UBAP1: variants seen among roughly 807,000 people sequenced by gnomAD.
UBAP1 encodes ubiquitin associated protein 1.
A neutral mutation model predicts 39.0 loss-of-function variants in UBAP1; 5 were observed. The observed-to-expected ratio is 0.13, with a 90% CI of 0.07 to 0.27. The LOEUF (loss-of-function observed/expected upper bound fraction) is 0.27. UBAP1 is among the 10% of genes least tolerant of loss of function. The pLI, the probability that UBAP1 is intolerant of heterozygous loss-of-function variation, is 1.00. For missense variants in UBAP1, 490 were observed against 608.1 expected (o/e 0.81, Z 2.04); for synonymous variants, 211 against 225.1 (o/e 0.94, Z 0.56).
chr9:34,231,125 T>TTGTGTG (rs1175055797), intron 2 of UBAP1, among the ~76,000 whole-genome samples: 12 of 96,692 alleles, frequency 1.2e-4, no homozygotes, highest in African/African-American at 4.3e-4. Flanking sequence ...TTTAAAAAAA[T>TTGTGTG]TATGTGTGTG....
chr9:34,184,204 A>AT (rs1197304279), intron 1 of UBAP1, among the ~76,000 whole-genome samples: 12 of 152,176 alleles, frequency 7.9e-5, no homozygotes, highest in Non-Finnish European at 1.5e-5. Flanking sequence ...TTTCCTATGA[A>AT]TCGAGAGTTA....
intron 1 of UBAP1, among the ~76,000 whole-genome samples, chr9:34,214,913 A>G (rs1245292190): frequency 6.6e-6 from 1 of 152,236 alleles, no homozygotes; most frequent in East Asian, 1.9e-4. Flanking sequence ...GTGCACATCA[A>G]AACCACAATG....
rs752071183 is a variant in UBAP1, at chr9:34,234,309, C to T, written c.128C>T (p.Pro43Leu). The change falls in exon 3 of 7, where the codon CCT becomes CTT. Residue 43 changes from proline (P) to leucine (L), a missense_variant. Pro to Leu is a moderately conservative substitution (Grantham distance 98). Coordinates refer to ENST00000297661, the MANE Select transcript of UBAP1 (RefSeq NM_016525.5). ...KVGLPIGFSL[P>L]DCLQVVREVQ... The stretch of plus-strand genomic sequence containing the variant: ...GGTCTACCTATTGGCTTCTCCTTGC[C>T]TGATTGTTTGCAGGTTGTCAGAGAA... 1.2e-6 allele frequency: 2 copies of T among 1,609,570 alleles called. No individual in the cohort carries two copies. Among genetic ancestry groups the T allele is most frequent in the Non-Finnish European group, 8.5e-7 (1 of 1,179,080 alleles).
chr9:34,224,144 G>GC lies in UBAP1; in HGVS notation c.34+3198dup, dbSNP rs1204218699. 5.5e-6 allele frequency: 4 copies of GC among 722,030 alleles called. No homozygotes were observed. In the East Asian group the frequency reaches 1.2e-4, roughly 22 times the overall value. The allele number at this position is 722,030 out of a possible 1,614,324, so 44.7% of individuals were successfully genotyped here. A position where few individuals can be genotyped will look rare whatever the true frequency, so the allele number is the denominator to read the frequency against. ...CTCCTCCAGGAGACTGCTGATTTTG[G>GC]CCTTTTTTTTTCCTTTCATCGATTT... On this transcript the variant is annotated intron_variant, in intron 2 of 6. Coordinates refer to ENST00000297661, the MANE Select transcript of UBAP1 (RefSeq NM_016525.5).
intron 2 of UBAP1, among the ~76,000 whole-genome samples, chr9:34,226,154 T>TGTGTGTGTGTGTGC (rs1833088196): frequency 5.6e-5 from 8 of 142,828 alleles, no homozygotes; most frequent in Admixed American, 7.1e-5. Context: ...TGTGTGTGTG[T>TGTGTGTGTGTGTGC]GTGGTGGGCT....
chr9:34,186,797 T>C (rs1486572128), intron 1 of UBAP1, among the ~76,000 whole-genome samples: 3 of 152,194 alleles, frequency 2.0e-5, no homozygotes, highest in Non-Finnish European at 2.9e-5. Context: ...TTTCCCAATT[T>C]GTGACTTGTC....
At chr9:34,239,453 A>G (rs1271039386) in intron 3 of UBAP1, among the ~76,000 whole-genome samples, 1 of 152,214 alleles carries the variant, frequency 6.6e-6, no homozygotes, top group Admixed American at 6.5e-5. Flanking sequence ...GAAAGTTCCT[A>G]TAACTGTCAT....
At chr9:34,206,491 C>CA (rs1831699963) in intron 1 of UBAP1, among the ~76,000 whole-genome samples, 1 of 151,534 alleles carries the variant, frequency 6.6e-6, no homozygotes, top group South Asian at 2.1e-4. Context: ...GCATGGGTGA[C>CA]AGAGTGAGAC....
chr9:34,184,587 C>T (rs566611590), intron 1 of UBAP1, among the ~76,000 whole-genome samples: 39 of 143,506 alleles, frequency 2.7e-4, no homozygotes, highest in African/African-American at 8.4e-4. Flanking sequence ...GCCAAGATCA[C>T]GCCACTGCAC....
At chr9:34,215,708 AAG>A (rs1563903033) in intron 1 of UBAP1, among the ~76,000 whole-genome samples, 1 of 152,018 alleles carries the variant, frequency 6.6e-6, no homozygotes, top group African/African-American at 2.4e-5. Flanking sequence ...GGGTTTAAAA[AAG>A]TATAGGAAGT....
intron 1 of UBAP1, among the ~76,000 whole-genome samples, chr9:34,193,842 A>G (rs1157199190): frequency 6.6e-6 from 1 of 152,128 alleles, no homozygotes; most frequent in Non-Finnish European, 1.5e-5. Flanking sequence ...AAGCTTCATG[A>G]TGTCAGGATG....
At chr9:34,213,748 A>G (rs529536395) in intron 1 of UBAP1, among the ~76,000 whole-genome samples, 34 of 152,288 alleles carry the variant, frequency 2.2e-4, no homozygotes, top group African/African-American at 3.1e-4. Context: ...TTTGCTGACA[A>G]TATGATCGTT....
At chr9:34,220,884 A>G (rs755627204) in intron 1 of UBAP1, 24 bp from the exon 2 acceptor site, 1 of 1,610,746 alleles carries the variant, frequency 6.2e-7, no homozygotes, top group Non-Finnish European at 8.5e-7. Flanking sequence ...TAATGTGCCT[A>G]AGAAATATTT....
At position 34,252,063 on chromosome 9, in the gene UBAP1, G is replaced by C. The variant is rs1834572074; in HGVS notation, c.*531G>C. On this transcript the variant is annotated 3_prime_UTR_variant, in exon 7 of 7. Transcript: ENST00000297661. ...TTAACACTGGTTCTGCAATATCTCT[G>C]AGGTGCAAAGAATGCACTTTTCCCT... is the stretch of plus-strand genomic sequence containing the variant. 1.3e-5 allele frequency: 2 copies of C among 152,840 alleles called. No individual in the cohort carries two copies. The highest frequency in any genetic ancestry group is 4.1e-4 in the South Asian group (2 of 4,840). The allele number at this position is 152,840 out of a possible 1,614,324, so 9.5% of individuals were successfully genotyped here.
At chr9:34,186,637 A>G (rs1830421642) in intron 1 of UBAP1, among the ~76,000 whole-genome samples, 1 of 151,026 alleles carries the variant, frequency 6.6e-6, no homozygotes, top group Non-Finnish European at 1.5e-5. Context: ...CTTTTCATGT[A>G]TTTTCGTTGG....
chr9:34,216,608 T>TGGGACTACAGGCATGC (rs1160848133), intron 1 of UBAP1, among the ~76,000 whole-genome samples: 4 of 150,192 alleles, frequency 2.7e-5, no homozygotes, highest in African/African-American at 9.8e-5. Context: ...CCTGATTAGC[T>TGGGACTACAGGCATGC]GGGACTACAG....
chr9:34,242,493 A>G (rs1471847372), intron 4 of UBAP1, among the ~76,000 whole-genome samples: 2 of 152,040 alleles, frequency 1.3e-5, no homozygotes, highest in South Asian at 2.1e-4. Context: ...AATCAATAGA[A>G]GTCAAGAACC....
At chr9:34,219,112 A>AG (rs1200028922) in intron 1 of UBAP1, among the ~76,000 whole-genome samples, 2 of 151,764 alleles carry the variant, frequency 1.3e-5, no homozygotes, top group Non-Finnish European at 2.9e-5. Flanking sequence ...TTTTGGTAAC[A>AG]GGATCTTGCT....
At chr9:34,203,176 G>A (rs1259154752) in intron 1 of UBAP1, among the ~76,000 whole-genome samples, 2 of 152,110 alleles carry the variant, frequency 1.3e-5, no homozygotes, top group Admixed American at 1.3e-4. Context: ...TAGGTGTGGT[G>A]GTACATTCCT....
Sources: gnomAD v4.1 joint callset for allele counts (sites outside exome capture counted in the v4.1 genomes callset) on GRCh38, gnomAD v4.1.1 for gene constraint, MANE v1.5 for transcripts, NCBI Gene and HGNC (gene_info 2026-07-23, HGNC 2026-07-21) for gene names.